The following COL13A1 variants were observed in gnomAD, a reference collection of about 807,000 sequenced individuals.
COL13A1 encodes the protein collagen alpha-1(XIII) chain.
Under a neutral mutation model 130.9 loss-of-function variants are expected in COL13A1, and 89 were observed. The ratio of observed to expected loss-of-function variants is 0.68; its 90% CI spans 0.57 to 0.81. The LOEUF is 0.81. COL13A1 is among the 30% of genes least tolerant of loss of function. The pLI, the probability that COL13A1 is intolerant of heterozygous loss-of-function variation, is 0.00. For missense variants in COL13A1, 879 were observed against 934.6 expected (o/e 0.94, Z 0.78); for synonymous variants, 402 against 341.6 (o/e 1.18, Z -1.95).
chr10:69,924,905 C>T (rs1279202116), intron 24 of COL13A1, 58 bp from the exon 25 acceptor site: 2 of 1,505,126 alleles, frequency 1.3e-6, no homozygotes, highest in East Asian at 4.9e-5. Flanking sequence ...CATCTAGGGA[C>T]ATCAGGCTCT....
At chr10:69,881,266 C>G (rs1291373297) in intron 7 of COL13A1, among the ~76,000 whole-genome samples, 1 of 152,228 alleles carries the variant, frequency 6.6e-6, no homozygotes, top group Non-Finnish European at 1.5e-5. Flanking sequence ...TAACACAGCC[C>G]TCTCAGAAGG....
intron 3 of COL13A1, among the ~76,000 whole-genome samples, chr10:69,870,947 G>A (rs2059007814): frequency 6.6e-6 from 1 of 152,136 alleles, no homozygotes; most frequent in Admixed American, 6.5e-5. Context: ...CCTGAAATAA[G>A]TTTCCCTCAT....
chr10:69,901,409 ACTC>A (rs2062169549), intron 14 of COL13A1, among the ~76,000 whole-genome samples: 1 of 152,050 alleles, frequency 6.6e-6, no homozygotes, highest in African/African-American at 2.4e-5. Flanking sequence ...CAGGTTGTGC[ACTC>A]CTATTTATCA....
chr10:69,903,569 A>G (rs1273769462), intron 15 of COL13A1, among the ~76,000 whole-genome samples: 1 of 152,238 alleles, frequency 6.6e-6, no homozygotes, highest in Non-Finnish European at 1.5e-5. Flanking sequence ...GGGTACCTGG[A>G]CTTCAGAGAA....
At chr10:69,930,635 T>C (rs2065993119) in intron 30 of COL13A1, 83 bp downstream of exon 30, 2 of 1,436,140 alleles carry the variant, frequency 1.4e-6, no homozygotes, top group South Asian at 2.9e-5. Flanking sequence ...GCACTTTGCA[T>C]GATGTGAGCT....
intron 17 of COL13A1, among the ~76,000 whole-genome samples, chr10:69,908,694 T>C (rs113295870): frequency 5.3e-5 from 8 of 152,180 alleles, no homozygotes; most frequent in Admixed American, 1.3e-4. Flanking sequence ...TAGACTCAGA[T>C]TGTAGGAAGA....
Position 69,886,813 on chromosome 10 carries a change from T to C in COL13A1, c.514-643T>C, listed in dbSNP as rs2060635064. On this transcript the variant is annotated intron_variant, in intron 7 of 40. Transcript: ENST00000645393. ...CATAAATCACTGTGGTCAGTGAACC[T>C]GCTTCTAGTCTCCGTCCTAAATATT... Among the ~76,000 whole-genome samples, 3 of 152,346 alleles carry C rather than the reference T, an allele frequency of 2.0e-5. No homozygotes were observed. In the South Asian group the frequency reaches 6.2e-4, roughly 32 times the overall value.
chr10:69,921,965 G>C, intron 22 of COL13A1, 30 bp downstream of exon 22: 1 of 1,584,970 alleles, frequency 6.3e-7, no homozygotes, highest in Non-Finnish European at 8.6e-7. Flanking sequence ...GAGGGTTCAA[G>C]TCCTTCGTCA....
chr10:69,831,692 G>C lies in COL13A1; in HGVS notation c.364+9254G>C, dbSNP rs749907541. ...CTCTGACTCACTCACTGGACATGAA[G>C]ATTGTCCTGGGCACGAGCTGTGCTG... On this transcript the variant is annotated intron_variant, in intron 2 of 40. Transcript: ENST00000645393. Among the ~76,000 whole-genome samples, 105 of 152,212 alleles carry C rather than the reference G, an allele frequency of 6.9e-4. 2 individuals carry two copies. Among genetic ancestry groups the C allele is most frequent in the Non-Finnish European group, 2.6e-4 (18 of 68,038 alleles).
intron 16 of COL13A1, 122 bp downstream of exon 16, chr10:69,905,081 C>A: frequency 1.8e-6 from 2 of 1,126,526 alleles, no homozygotes; most frequent in African/African-American, 1.6e-5. Context: ...AGAGACAGAT[C>A]AAGCTTGACC....
chr10:69,845,538 T>C (rs1045708117), intron 2 of COL13A1, among the ~76,000 whole-genome samples: 2 of 151,836 alleles, frequency 1.3e-5, no homozygotes, highest in African/African-American at 2.4e-5. Flanking sequence ...CCCCTGCAGC[T>C]ACACCAAAGT....
chr10:69,837,243 C>T (rs981013957), intron 2 of COL13A1, among the ~76,000 whole-genome samples: 2 of 152,214 alleles, frequency 1.3e-5, no homozygotes, highest in African/African-American at 4.8e-5. Flanking sequence ...CCATGGGGGA[C>T]CTTACCAATG....
At position 69,921,894 on chromosome 10, in the gene COL13A1, G is replaced by A; in HGVS notation, c.1102G>A (p.Ala368Thr). 6.2e-7 allele frequency: 1 copy of A among 1,607,164 alleles called. No individual in the cohort carries two copies. The highest frequency in any genetic ancestry group is 1.1e-5 in the South Asian group (1 of 89,054). Reference protein sequence around the residue: ...GKRGQRGEKGAEGSPGLPGLL... With the variant: ...GKRGQRGEKGTEGSPGLPGLL... ...CATCTCCCTGCAGGGTGAGAAGGGGGCTGAAGGCTCCCCTGGGCTTCCTGG... is the reference window on the plus strand; with the variant it reads ...CATCTCCCTGCAGGGTGAGAAGGGGACTGAAGGCTCCCCTGGGCTTCCTGG... Residue 368 changes from alanine to threonine, a missense_variant, in exon 22 of 41, where the codon GCT becomes ACT. By Grantham distance (58) the Ala-to-Thr change is moderately conservative. Around this residue, in one of 3 missense-constraint regions of COL13A1, gnomAD observed 715 missense variants for 721.0 expected, o/e 0.99. Coordinates refer to ENST00000645393, the MANE Select transcript of COL13A1 (RefSeq NM_001368882.1).
At chr10:69,849,518 GA>G in intron 2 of COL13A1, among the ~76,000 whole-genome samples, 1 of 152,294 alleles carries the variant, frequency 6.6e-6, no homozygotes. Flanking sequence ...TTATTTTTAA[GA>G]ACAAGAGAGG....
At chr10:69,958,050 C>T (rs1270436357) in intron 40 of COL13A1, among the ~76,000 whole-genome samples, 1 of 152,128 alleles carries the variant, frequency 6.6e-6, no homozygotes, top group Non-Finnish European at 1.5e-5. Context: ...CACCAAGACC[C>T]CAGGCCAACG....
intron 7 of COL13A1, among the ~76,000 whole-genome samples, 200 bp downstream of exon 7, chr10:69,880,753 A>G (rs1012896505): frequency 6.6e-6 from 1 of 152,174 alleles, no homozygotes; most frequent in African/African-American, 2.4e-5. Context: ...AATATACCTA[A>G]ATTACAGTCC....
At chr10:69,849,892 G>A (rs1222068012) in intron 2 of COL13A1, among the ~76,000 whole-genome samples, 2 of 152,244 alleles carry the variant, frequency 1.3e-5, no homozygotes, top group African/African-American at 4.8e-5. Flanking sequence ...CCCACGGCCA[G>A]CTCCCGAGTA....
In COL13A1 at chr10:69,922,780, C is replaced by A; in HGVS notation, c.1216C>A (p.Pro406Thr). 6.3e-7 allele frequency: 1 copy of A among 1,589,778 alleles called. No individual in the cohort carries two copies. The highest frequency in any genetic ancestry group is 8.6e-7 in the Non-Finnish European group (1 of 1,167,930). ...ACCTGGCCCTCCAGGGCTCCCTGGG[C>A]CCCCAGGGCCAAAGGTGAGTGTTCC... ...GEPGPPGLPGPPGPKGEAGVD... is the reference protein window; with the variant it reads ...GEPGPPGLPGTPGPKGEAGVD... The change falls in exon 23 of 41, where the codon CCC becomes ACC. Residue 406 changes from proline (P) to threonine (T), a missense_variant. By Grantham distance (38) the Pro-to-Thr change is conservative. Around this residue, in one of 3 missense-constraint regions of COL13A1, gnomAD observed 715 missense variants for 721.0 expected, o/e 0.99. Coordinates refer to ENST00000645393, the MANE Select transcript of COL13A1 (RefSeq NM_001368882.1).
chr10:69,863,044 G>A (rs1463548436), intron 2 of COL13A1, among the ~76,000 whole-genome samples: 5 of 152,234 alleles, frequency 3.3e-5, no homozygotes, highest in Admixed American at 1.3e-4. Context: ...GGGTAAGGGC[G>A]TGCGTCCTAG....
Sources: allele counts gnomAD v4.1 joint callset (sites outside exome capture counted in the v4.1 genomes callset), GRCh38; gene constraint gnomAD v4.1.1; regional missense constraint gnomAD v4.1.1; transcripts MANE v1.5; gene names NCBI Gene and HGNC (gene_info 2026-07-23, HGNC 2026-07-21).